The following TOP6BL variants were observed in gnomAD, a reference collection of about 807,000 sequenced individuals.
The protein encoded by TOP6BL is type 2 DNA topoisomerase 6 subunit B-like.
the TOP6BL span, among the ~76,000 whole-genome samples, chr11:66,842,422 A>T: frequency 6.6e-6 from 1 of 152,186 alleles, no homozygotes; most frequent in Non-Finnish European, 1.5e-5. Context: ...AATTTGACAA[A>T]TGAATCAGTT....
the TOP6BL span, chr11:66,771,594 G>A: frequency 1.3e-5 from 2 of 153,328 alleles, no homozygotes; most frequent in Admixed American, 6.5e-5. Flanking sequence ...CAGAATGAGA[G>A]AGATGTAGGA....
At chr11:66,773,792 A>G in the TOP6BL span, among the ~76,000 whole-genome samples, 54 of 152,112 alleles carry the variant, frequency 3.6e-4, no homozygotes, top group African/African-American at 1.1e-3. Context: ...GCTGGAGTGC[A>G]GTGGAGTGAT....
chr11:66,787,644 C>T, the TOP6BL span, among the ~76,000 whole-genome samples: 2 of 149,454 alleles, frequency 1.3e-5, no homozygotes, highest in Non-Finnish European at 3.0e-5. Context: ...CACTTGAACC[C>T]AGGAGGCGGA....
At chr11:66,826,298 T>C in the TOP6BL span, among the ~76,000 whole-genome samples, 440 of 152,346 alleles carry the variant, frequency 2.9e-3, 2 homozygotes, top group African/African-American at 0.01. Flanking sequence ...AATTTGCCAT[T>C]TTCCCCATTT....
the TOP6BL span, among the ~76,000 whole-genome samples, chr11:66,788,944 G>C: frequency 6.6e-6 from 1 of 152,104 alleles, no homozygotes; most frequent in African/African-American, 2.4e-5. Context: ...TTTTTATAAG[G>C]ACACCAGTCC....
chr11:66,820,012 G>A, the TOP6BL span, among the ~76,000 whole-genome samples: 1 of 151,878 alleles, frequency 6.6e-6, no homozygotes, highest in African/African-American at 2.4e-5. Flanking sequence ...CCCGGTGGTC[G>A]AGGCTGCAGT....
At chr11:66,797,800 G>C in the TOP6BL span, among the ~76,000 whole-genome samples, 2 of 152,002 alleles carry the variant, frequency 1.3e-5, no homozygotes, top group South Asian at 4.2e-4. Flanking sequence ...CCATCATCAT[G>C]CCTGGCCAAG....
At chr11:66,821,362 A>AC in the TOP6BL span, among the ~76,000 whole-genome samples, 7 of 147,172 alleles carry the variant, frequency 4.8e-5, no homozygotes, top group South Asian at 1.5e-3. Flanking sequence ...ATCTTGGCTC[A>AC]CTGCAAGCTC....
chr11:66,760,918 G>A, the TOP6BL span, among the ~76,000 whole-genome samples: 1 of 150,630 alleles, frequency 6.6e-6, no homozygotes, highest in South Asian at 2.1e-4. Flanking sequence ...TTTTCTTCGT[G>A]CTTTGTAAAA....
chr11:66,762,251 ACG>A, the TOP6BL span: 2 of 536,780 alleles, frequency 3.7e-6, no homozygotes, highest in African/African-American at 1.9e-5. Context: ...GCCGCAGAAC[ACG>A]CGCGCAAACT....
chr11:66,756,605 G>A, the TOP6BL span: 2 of 911,198 alleles, frequency 2.2e-6, no homozygotes, highest in African/African-American at 3.6e-5. Context: ...CTATCCTCCA[G>A]ATGCAAAGAT....
the TOP6BL span, among the ~76,000 whole-genome samples, chr11:66,745,921 C>T: frequency 6.6e-6 from 1 of 152,230 alleles, no homozygotes; most frequent in Non-Finnish European, 1.5e-5. Context: ...AGGGATTCTC[C>T]TGTCTCAGCC....
the TOP6BL span, among the ~76,000 whole-genome samples, chr11:66,800,118 C>T: frequency 6.6e-6 from 1 of 150,726 alleles, no homozygotes; most frequent in African/African-American, 2.4e-5. Context: ...GTATATACCA[C>T]ATTTTCTTAA....
the TOP6BL span, among the ~76,000 whole-genome samples, chr11:66,781,674 C>A: frequency 5.3e-5 from 8 of 152,126 alleles, no homozygotes; most frequent in African/African-American, 1.9e-4. Context: ...GTAGCTAGGA[C>A]CCACAGGCAT....
the TOP6BL span, among the ~76,000 whole-genome samples, chr11:66,776,110 G>A: frequency 6.6e-6 from 1 of 151,688 alleles, no homozygotes; most frequent in Non-Finnish European, 1.5e-5. Flanking sequence ...CCAGGCTGGA[G>A]TGCAGTGGCG....
the TOP6BL span, among the ~76,000 whole-genome samples, chr11:66,795,073 G>C: frequency 2.0e-5 from 3 of 151,704 alleles, no homozygotes; most frequent in African/African-American, 7.3e-5. Flanking sequence ...GGCAGAGGTT[G>C]CAGTGAGCCG....
the TOP6BL span, among the ~76,000 whole-genome samples, chr11:66,749,371 G>GT: frequency 6.6e-6 from 1 of 152,114 alleles, no homozygotes; most frequent in African/African-American, 2.4e-5. Context: ...GTGTGTGGTT[G>GT]TAATAGTCTA....
chr11:66,828,730 A>G, the TOP6BL span: 39 of 182,386 alleles, frequency 2.1e-4, no homozygotes, highest in Admixed American at 8.3e-4. Flanking sequence ...AGATAAGTCA[A>G]TCGTACTGAC....
chr11:66,843,156 C>T, the TOP6BL span: 6 of 1,610,806 alleles, frequency 3.7e-6, no homozygotes, highest in South Asian at 1.1e-5. Flanking sequence ...CCCGGGCCCC[C>T]TTGTTCCCGC....
Sources: allele counts gnomAD v4.1 joint callset (sites outside exome capture counted in the v4.1 genomes callset), GRCh38; gene constraint gnomAD v4.1.1; transcripts MANE v1.5; gene names NCBI Gene and HGNC (gene_info 2026-07-23, HGNC 2026-07-21).